Variants in IP6K3 observed in about 807,000 individuals in gnomAD.
The protein encoded by IP6K3 is inositol hexakisphosphate kinase 3, also known as ATP:1D-myo-inositol-hexakisphosphate phosphotransferase.
IP6K3 carries 20 observed loss-of-function variants against 28.8 expected under a neutral mutation model. The observed-to-expected ratio is 0.70, with a 90% CI of 0.49 to 1.01. IP6K3 has a LOEUF of 1.01. IP6K3 is among the 50% of genes least tolerant of loss of function. The probability of loss-of-function intolerance (pLI) is 0.00; values close to 1 mark genes in which losing one functional copy is unlikely to be tolerated. For missense variants in IP6K3, 480 were observed against 537.1 expected, an observed-to-expected ratio of 0.89 and a Z score of 1.05; for synonymous variants, 213 against 221.3, an observed-to-expected ratio of 0.96 and a Z score of 0.33.
At position 33,737,191 on chromosome 6, in the gene IP6K3, C is replaced by T. The variant is rs540886993; in HGVS notation, c.-179-1536G>A. 1.6e-4 allele frequency among the ~76,000 whole-genome samples: 24 copies of T among 152,302 alleles called. No homozygotes were observed. The East Asian group carries it at 2.1e-3, about 13-fold the overall frequency. Reference sequence around the variant, plus strand: ...CCTGTGGGTCTCAGGCAAAAGCTGGCGCTCTGGGCTGGAAACACAGCCCCT... The same window carrying T: ...CCTGTGGGTCTCAGGCAAAAGCTGGTGCTCTGGGCTGGAAACACAGCCCCT... On this transcript the variant is annotated intron_variant, in intron 1 of 5. Transcript: ENST00000293756.
intron 2 of IP6K3, among the ~76,000 whole-genome samples, chr6:33,728,917 T>C (rs1766222286): frequency 6.6e-6 from 1 of 152,210 alleles, no homozygotes; most frequent in Admixed American, 6.5e-5. Context: ...CTTGAGCTGA[T>C]GGCCTGCCAT....
chr6:33,734,902 A>C (rs984717425), intron 2 of IP6K3, among the ~76,000 whole-genome samples: 1 of 151,926 alleles, frequency 6.6e-6, no homozygotes, highest in Admixed American at 6.6e-5. Context: ...TTTCAGAGGG[A>C]GGTTAAGGAG....
rs922743134 is a variant in IP6K3, at chr6:33,735,439, C to T, written c.38G>A (p.Arg13Lys). The change falls in exon 2 of 6, where the codon AGG becomes AAG. Residue 13 changes from arginine (R) to lysine (K), a missense_variant. By Grantham distance (26) the Arg-to-Lys change is conservative. Transcript: ENST00000293756. ...VQNSADAGDM[R>K]AGVQLEPFLH... ...GAAGGGCTCCAGCTGCACGCCTGCC[C>T]TCATGTCCCCGGCGTCTGCGCTGTT... The T allele has an allele frequency of 3.0e-5, 49 of 1,611,038 alleles. No individual in the cohort carries two copies. The highest frequency in any genetic ancestry group is 4.1e-5 in the Non-Finnish European group (48 of 1,179,320).
At chr6:33,727,803 T>C in intron 3 of IP6K3, 1 of 982,568 alleles carries the variant, frequency 1.0e-6, no homozygotes. Flanking sequence ...GTGAAACAGA[T>C]ATTTAATTAA....
At chr6:33,727,613 C>G (rs1414163584) in intron 3 of IP6K3, among the ~76,000 whole-genome samples, 1 of 152,196 alleles carries the variant, frequency 6.6e-6, no homozygotes, top group Non-Finnish European at 1.5e-5. Flanking sequence ...CCTCAGGCAC[C>G]TGAGCCTCCT....
chr6:33,737,042 C>T (rs1038348608), intron 1 of IP6K3, among the ~76,000 whole-genome samples: 2 of 152,168 alleles, frequency 1.3e-5, no homozygotes, highest in African/African-American at 4.8e-5. Flanking sequence ...GAGAGTGAGG[C>T]CTACAGTACC....
In IP6K3 at chr6:33,742,310, C is replaced by G. The variant is rs1298015534; in HGVS notation, c.-180+4448G>C. On this transcript the variant is annotated intron_variant, in intron 1 of 5. Transcript: ENST00000293756. This position sits in a 1 kb window ranked among gnomAD's most constrained non-coding sequence, Gnocchi z 4.5. ...AGTTGCTCTGGCTGTCTCTGGGAGT[C>G]TCGGAGACCCAGGACCAAGACCCAA... Among the ~76,000 whole-genome samples, 1 of 152,182 alleles carries G rather than the reference C, an allele frequency of 6.6e-6. No individual in the cohort carries two copies. The highest frequency in any genetic ancestry group is 1.5e-5 in the Non-Finnish European group (1 of 68,024).
intron 4 of IP6K3, among the ~76,000 whole-genome samples, chr6:33,726,437 C>T: frequency 6.6e-6 from 1 of 152,220 alleles, no homozygotes; most frequent in East Asian, 1.9e-4. Flanking sequence ...CCATCCCAAC[C>T]CATCTTTACT....
At chr6:33,725,297 T>A in intron 5 of IP6K3, 144 bp downstream of exon 5, 1 of 680,544 alleles carries the variant, frequency 1.5e-6, no homozygotes, top group Non-Finnish European at 2.3e-6. Context: ...TGCATTTCCT[T>A]GTTGGAGGCT....
chr6:33,741,988 AAC>A (rs1766744612), intron 1 of IP6K3, among the ~76,000 whole-genome samples: 8 of 139,650 alleles, frequency 5.7e-5, no homozygotes, highest in Non-Finnish European at 1.1e-4. Context: ...AAAAAAAAAA[AAC>A]AAAGCAACTT....
Position 33,726,692 on chromosome 6 carries a change from C to T in IP6K3, c.589+39G>A, listed in dbSNP as rs145911935. ...GCCCCTCTGTGTCTCTCTGTCGCCC[C>T]GCCCTTGGGACCACATGTGAGGGGG... On this transcript the variant is annotated intron_variant, in intron 4 of 5. Transcript: ENST00000293756. The T allele has an allele frequency of 3.8e-4, 575 of 1,524,036 alleles. 6 individuals carry two copies. In the East Asian group the frequency reaches 0.012, roughly 31 times the overall value. The allele number at this position is 1,524,036 out of a possible 1,614,324, so 94.4% of individuals were successfully genotyped here.
chr6:33,739,816 G>A (rs751036191), intron 1 of IP6K3, among the ~76,000 whole-genome samples: 47 of 152,368 alleles, frequency 3.1e-4, no homozygotes, highest in Non-Finnish European at 5.4e-4. Flanking sequence ...GAAGTCCAGG[G>A]TCTACTCCAG....
intron 2 of IP6K3, among the ~76,000 whole-genome samples, chr6:33,734,860 C>G (rs1266681640): frequency 6.6e-6 from 1 of 152,168 alleles, no homozygotes; most frequent in Non-Finnish European, 1.5e-5. Context: ...AAGCCCTGTC[C>G]CAGGCCTGAG....
chr6:33,746,397 C>T lies in IP6K3; in HGVS notation c.-180+361G>A, dbSNP rs1034983994. The stretch of plus-strand genomic sequence containing the variant: ...GGTTAACGCAGCCCCCGGTACTTGC[C>T]CCTCCCCCCAGCTTCCTCTGTAGTC... On this transcript the variant is annotated intron_variant, in intron 1 of 5. Transcript: ENST00000293756. The surrounding 1 kb of genome is among the most constrained non-coding windows in gnomAD (Gnocchi z 6.5). 1.3e-5 allele frequency among the ~76,000 whole-genome samples: 2 copies of T among 152,124 alleles called. No homozygotes were observed. The highest frequency in any genetic ancestry group is 2.9e-5 in the Non-Finnish European group (2 of 68,008).
chr6:33,734,769 C>T (rs1265105406), intron 2 of IP6K3, among the ~76,000 whole-genome samples: 5 of 152,262 alleles, frequency 3.3e-5, no homozygotes, highest in Admixed American at 1.3e-4. Context: ...ACGCAAGCGG[C>T]AGCCCGTATC....
At chr6:33,730,078 G>A (rs1766263712) in intron 2 of IP6K3, among the ~76,000 whole-genome samples, 1 of 152,118 alleles carries the variant, frequency 6.6e-6, no homozygotes, top group African/African-American at 2.4e-5. Context: ...TTTCTGCTGG[G>A]CCCTGACCGA....
chr6:33,733,734 T>C (rs1029356854), intron 2 of IP6K3, among the ~76,000 whole-genome samples: 3 of 152,206 alleles, frequency 2.0e-5, no homozygotes, highest in African/African-American at 7.2e-5. Flanking sequence ...AGGCAGCCCA[T>C]GGACCATCTT....
chr6:33,731,476 A>G (rs1766319671), intron 2 of IP6K3, among the ~76,000 whole-genome samples: 1 of 152,238 alleles, frequency 6.6e-6, no homozygotes, highest in African/African-American at 2.4e-5. Flanking sequence ...CAAATAACCC[A>G]AAACCAATAA....
At position 33,727,747 on chromosome 6, in the gene IP6K3, G is replaced by A. The variant is rs141822500; in HGVS notation, c.413+340C>T. On this transcript the variant is annotated intron_variant, in intron 3 of 5. Coordinates refer to ENST00000293756, the MANE Select transcript of IP6K3 (RefSeq NM_054111.5). ...TTTCCTCTACATACACTATTCTAGG[G>A]TTTCTGTTTTGTGTACTTCCTCCCC... 2,124 of 799,900 alleles carry A rather than the reference G, an allele frequency of 2.7e-3. 13 individuals carry two copies. The highest frequency in any genetic ancestry group is 0.019 in the African/African-American group (1,022 of 53,580). 49.6% of individuals were successfully genotyped at this position (799,900 alleles called of 1,614,324 possible).
Sources: gnomAD v4.1 joint callset for allele counts (sites outside exome capture counted in the v4.1 genomes callset) on GRCh38, gnomAD v4.1.1 for gene constraint, Gnocchi (gnomAD v3.1) non-coding constraint, MANE v1.5 for transcripts, NCBI Gene and HGNC (gene_info 2026-07-23, HGNC 2026-07-21) for gene names.